Variants in CD1B observed in about 807,000 individuals in gnomAD.
CD1B encodes CD1b molecule, also known as T-cell surface glycoprotein CD1b.
In CD1B, 43 loss-of-function variants were observed where a neutral mutation model predicts 39.8. That is an observed-to-expected ratio of 1.08 (90% CI 0.85 to 1.39). The LOEUF is 1.39. Among genes scored for constraint, CD1B ranks in the 40% most tolerant of loss-of-function variants. The pLI, the probability that CD1B is intolerant of heterozygous loss-of-function variation, is 0.00. For synonymous variants in CD1B, 192 were observed against 152.5 expected (o/e 1.26, Z -1.91); for missense variants, 495 against 403.8 (o/e 1.23, Z -1.94).
intron 3 of CD1B, 101 bp downstream of exon 3, chr1:158,329,751 T>C: frequency 6.4e-7 from 1 of 1,560,022 alleles, no homozygotes; most frequent in African/African-American, 1.4e-5. Context: ...TTCACTCCTT[T>C]GGGAACCAAA....
the CD1B span, among the ~76,000 whole-genome samples, chr1:158,298,874 A>T: frequency 6.6e-6 from 1 of 152,190 alleles, no homozygotes; most frequent in Non-Finnish European, 1.5e-5. Flanking sequence ...TTGTATCCTG[A>T]GACTTTGCTG....
chr1:158,308,128 TCAG>T, the CD1B span, among the ~76,000 whole-genome samples: 2 of 152,190 alleles, frequency 1.3e-5, no homozygotes, highest in African/African-American at 2.4e-5. Context: ...ATAGGCAACT[TCAG>T]CAAAGTCTCA....
chr1:158,313,551 C>T, the CD1B span, among the ~76,000 whole-genome samples: 1 of 152,176 alleles, frequency 6.6e-6, no homozygotes, highest in East Asian at 1.9e-4. Context: ...CTCAAGTGAT[C>T]CACCCTCCTT....
At chr1:158,292,744 T>C in the CD1B span, 1 of 1,614,212 alleles carries the variant, frequency 6.2e-7, no homozygotes, top group Non-Finnish European at 8.5e-7. Context: ...AACATGGTGA[T>C]ATTCTTCCTA....
chr1:158,330,028 ACACT>A lies in CD1B; in HGVS notation c.427_430del (p.Val144ArgfsTer21). 1 of 1,614,050 alleles carries A rather than the reference ACACT, an allele frequency of 6.2e-7. No individual in the cohort carries two copies. Among genetic ancestry groups the A allele is most frequent in the Non-Finnish European group, 8.5e-7 (1 of 1,179,984 alleles). ...GGAAGGCACACATGAAGCATTCTTG[ACACT>A]CAGGAAATCCAATCCTCCTAGAGCT... On this transcript the variant is annotated frameshift_variant, in exon 3 of 6. Transcript: ENST00000368168. LOFTEE classifies it high-confidence loss of function.
At chr1:158,299,150 T>C in the CD1B span, among the ~76,000 whole-genome samples, 28 of 152,300 alleles carry the variant, frequency 1.8e-4, no homozygotes, top group Non-Finnish European at 2.4e-4. Context: ...GGCTGTGGGT[T>C]TGTCATAAAT....
the CD1B span, chr1:158,291,026 C>T: frequency 8.6e-7 from 1 of 1,157,628 alleles, no homozygotes; most frequent in Non-Finnish European, 1.2e-6. Flanking sequence ...CTAAAGTAGT[C>T]ATTAATGTTT....
At chr1:158,331,245 G>C in intron 1 of CD1B, 118 bp downstream of exon 1, 2 of 1,131,962 alleles carry the variant, frequency 1.8e-6, no homozygotes, top group Middle Eastern at 2.8e-4. Flanking sequence ...TGGTTGAAGA[G>C]GGCGGGAGAC....
chr1:158,312,471 C>A, the CD1B span, among the ~76,000 whole-genome samples: 2 of 152,274 alleles, frequency 1.3e-5, no homozygotes, highest in Admixed American at 1.3e-4. Flanking sequence ...TCTTTATTAG[C>A]AGGACGAAAA....
At chr1:158,295,496 G>C in the CD1B span, among the ~76,000 whole-genome samples, 1 of 152,132 alleles carries the variant, frequency 6.6e-6, no homozygotes, top group East Asian at 1.9e-4. Flanking sequence ...GGCAGGGACA[G>C]GACTCCAGCT....
Position 158,330,042 on chromosome 1 carries a change from C to G in CD1B, c.417G>C (p.Leu139Phe). Residue 139 changes from leucine (L) to phenylalanine (F), a missense_variant, in exon 3 of 6, where the codon TTG becomes TTC. Transcript: ENST00000368168. Reference sequence around the variant, plus strand: ...AAGCATTCTTGACACTCAGGAAATCCAATCCTCCTAGAGCTCCCCTCAGGA... The same window carrying G: ...AAGCATTCTTGACACTCAGGAAATCGAATCCTCCTAGAGCTCCCCTCAGGA... ...VSFLRGALGGLDFLSVKNASC... is the reference protein window; with the variant it reads ...VSFLRGALGGFDFLSVKNASC... The G allele has an allele frequency of 6.2e-7, 1 of 1,614,016 alleles. No homozygotes were observed. The highest frequency in any genetic ancestry group is 8.5e-7 in the Non-Finnish European group (1 of 1,179,954).
chr1:158,329,867 C>T lies in CD1B; in HGVS notation c.592G>A (p.Asp198Asn). 6.2e-7 allele frequency: 1 copy of T among 1,613,532 alleles called. No homozygotes were observed. Among genetic ancestry groups the T allele is most frequent in the Admixed American group, 1.7e-5 (1 of 59,974 alleles). ...CAGGACTAACCTTGTCTTTGCAGAT[C>T]TGCTTTTCCTGCATTGAGGACGCCC... ...LLGVLNAGKA[D>N]LQRQVKPEAW... Residue 198 changes from aspartate to asparagine, a missense_variant, in exon 3 of 6, where the codon GAT (aspartate) becomes AAT (asparagine). Coordinates refer to ENST00000368168, the MANE Select transcript of CD1B (RefSeq NM_001764.3).
chr1:158,305,578 G>A, the CD1B span, among the ~76,000 whole-genome samples: 1 of 152,080 alleles, frequency 6.6e-6, no homozygotes, highest in African/African-American at 2.4e-5. Context: ...GAAATACAGA[G>A]AATGCCACAA....
At chr1:158,286,575 T>C in the CD1B span, among the ~76,000 whole-genome samples, 5 of 152,316 alleles carry the variant, frequency 3.3e-5, no homozygotes, top group Middle Eastern at 3.4e-3. Context: ...TGGAGGGATA[T>C]GGACTGTGAC....
the CD1B span, among the ~76,000 whole-genome samples, chr1:158,313,144 T>C: frequency 6.6e-6 from 1 of 152,194 alleles, no homozygotes; most frequent in Non-Finnish European, 1.5e-5. Context: ...TGTGATGCAG[T>C]ACATTTATTA....
At chr1:158,298,358 G>C in the CD1B span, among the ~76,000 whole-genome samples, 1 of 152,090 alleles carries the variant, frequency 6.6e-6, no homozygotes, top group African/African-American at 2.4e-5. Flanking sequence ...ACTGATAAAG[G>C]TATTTGGAAC....
the CD1B span, among the ~76,000 whole-genome samples, chr1:158,308,009 A>T: frequency 6.6e-6 from 1 of 152,186 alleles, no homozygotes; most frequent in African/African-American, 2.4e-5. Flanking sequence ...AGAAGGAAAT[A>T]AAGGGTATTG....
the CD1B span, chr1:158,293,417 A>T: frequency 3.1e-6 from 5 of 1,611,666 alleles, 1 homozygote; most frequent in Admixed American, 3.3e-5. Flanking sequence ...ACCACCTCCA[A>T]CTTATTCAGG....
rs1470701293 is a variant in CD1B at position 158,329,907 on chromosome 1, G to A, written c.552C>T (p.Cys184=). 6.2e-7 allele frequency: 1 copy of A among 1,614,134 alleles called. No homozygotes were observed. Among genetic ancestry groups the A allele is most frequent in the South Asian group, 1.1e-5 (1 of 91,074 alleles). Reference sequence around the variant, plus strand: ...TGAGGACGCCCAAGAGATATCGGGGGCAGGTTTCATAGAGGAGAATTCTCA... The same window carrying A: ...TGAGGACGCCCAAGAGATATCGGGGACAGGTTTCATAGAGGAGAATTCTCA... ...ETVRILLYET[C]PRYLLGVLNA... Residue 184 remains cysteine, a synonymous_variant, in exon 3 of 6, where the codon TGC becomes TGT. Transcript: ENST00000368168.
Sources: allele counts gnomAD v4.1 joint callset (sites outside exome capture counted in the v4.1 genomes callset), GRCh38; gene constraint gnomAD v4.1.1; transcripts MANE v1.5; gene names NCBI Gene and HGNC (gene_info 2026-07-23, HGNC 2026-07-21).